Variants in CCSER1 observed in about 807,000 individuals in gnomAD.
CCSER1 encodes the protein coiled-coil serine rich protein 1, also known as serine-rich coiled-coil domain-containing protein 1.
CCSER1 carries 41 observed loss-of-function variants against 82.0 expected under a neutral mutation model. That is an observed-to-expected ratio of 0.50 (90% confidence interval 0.39 to 0.65). The LOEUF is 0.65. CCSER1 is among the 30% of genes least tolerant of loss of function. The pLI is 0.00. For synonymous variants in CCSER1, 414 were observed against 383.9 expected (o/e 1.08, Z -0.92); for missense variants, 1,119 against 1,064.2 (o/e 1.05, Z -0.72).
chr4:91,512,215 G>C (rs779705801), intron 10 of CCSER1, among the ~76,000 whole-genome samples: 2 of 152,086 alleles, frequency 1.3e-5, no homozygotes, highest in Non-Finnish European at 2.9e-5. Flanking sequence ...TTGAATCAGC[G>C]CACTGGGAGA....
chr4:90,238,953 C>T (rs539562768), intron 1 of CCSER1, among the ~76,000 whole-genome samples: 32 of 151,918 alleles, frequency 2.1e-4, no homozygotes, highest in African/African-American at 7.7e-4. Context: ...CAGGTTCAAG[C>T]GATTCTCCTT....
chr4:91,155,596 A>G (rs1430360608), intron 10 of CCSER1, among the ~76,000 whole-genome samples: 1 of 152,006 alleles, frequency 6.6e-6, no homozygotes, highest in Non-Finnish European at 1.5e-5. Flanking sequence ...TATCATTTTC[A>G]TCTAATGATT....
chr4:90,841,625 T>G (rs1012093661), intron 8 of CCSER1, among the ~76,000 whole-genome samples: 1 of 151,952 alleles, frequency 6.6e-6, no homozygotes, highest in Non-Finnish European at 1.5e-5. Context: ...TTTTGCATGT[T>G]TTCCCTGACA....
chr4:91,042,955 A>C (rs1453786682), intron 9 of CCSER1, among the ~76,000 whole-genome samples: 1 of 152,200 alleles, frequency 6.6e-6, no homozygotes. Context: ...ATCAGAAAGC[A>C]AAATAATCTT....
chr4:91,103,430 A>G (rs1465656114), intron 10 of CCSER1, among the ~76,000 whole-genome samples: 4 of 152,132 alleles, frequency 2.6e-5, no homozygotes, highest in African/African-American at 9.7e-5. Context: ...AAAAAAATGC[A>G]TTTCTAATTT....
At chr4:91,032,737 A>G (rs1372955524) in intron 9 of CCSER1, among the ~76,000 whole-genome samples, 3 of 152,228 alleles carry the variant, frequency 2.0e-5, no homozygotes, top group African/African-American at 7.2e-5. Context: ...GTAGTTTCTA[A>G]GACTTTAATA....
intron 1 of CCSER1, among the ~76,000 whole-genome samples, chr4:90,172,679 C>T (rs1224712082): frequency 2.0e-5 from 3 of 151,810 alleles, no homozygotes; most frequent in African/African-American, 7.2e-5. Flanking sequence ...TTCAGGTATT[C>T]TAGCTCTAGA....
At chr4:90,411,267 C>T (rs1179519976) in intron 4 of CCSER1, among the ~76,000 whole-genome samples, 6 of 152,136 alleles carry the variant, frequency 3.9e-5, no homozygotes, top group Non-Finnish European at 8.8e-5. Flanking sequence ...CTCCCTAACT[C>T]ATTTTATGAG....
At chr4:91,054,401 C>A (rs1001167506) in intron 9 of CCSER1, among the ~76,000 whole-genome samples, 1 of 152,106 alleles carries the variant, frequency 6.6e-6, no homozygotes, top group African/African-American at 2.4e-5. Flanking sequence ...TAGATGGAAT[C>A]TTTTATTTAT....
chr4:90,894,300 C>G (rs949993680), intron 8 of CCSER1, among the ~76,000 whole-genome samples: 1 of 151,886 alleles, frequency 6.6e-6, no homozygotes, highest in Non-Finnish European at 1.5e-5. Flanking sequence ...ATGGCTCAAA[C>G]CACCCTATCA....
At chr4:90,829,867 T>A (rs2149816687) in intron 8 of CCSER1, among the ~76,000 whole-genome samples, 1 of 152,316 alleles carries the variant, frequency 6.6e-6, no homozygotes, top group Admixed American at 6.5e-5. Flanking sequence ...ATTGAGCACA[T>A]TCAGTGTGTT....
chr4:91,176,947 G>A (rs1473894926), intron 10 of CCSER1, among the ~76,000 whole-genome samples: 1 of 152,114 alleles, frequency 6.6e-6, no homozygotes, highest in Non-Finnish European at 1.5e-5. Context: ...TATGATATTG[G>A]CTGTGGGTTT....
intron 4 of CCSER1, among the ~76,000 whole-genome samples, chr4:90,449,502 C>T (rs1368076123): frequency 1.3e-5 from 2 of 152,334 alleles, no homozygotes; most frequent in South Asian, 2.1e-4. Context: ...ACCTGCCATT[C>T]ATGACGCTCA....
intron 10 of CCSER1, among the ~76,000 whole-genome samples, chr4:91,127,973 A>G (rs937055782): frequency 2.0e-5 from 3 of 151,884 alleles, no homozygotes; most frequent in African/African-American, 4.8e-5. Flanking sequence ...AGTCCTTTTC[A>G]AAAGTCCCCT....
At chr4:90,883,111 C>T (rs746677804) in intron 8 of CCSER1, among the ~76,000 whole-genome samples, 1 of 151,878 alleles carries the variant, frequency 6.6e-6, no homozygotes, top group Non-Finnish European at 1.5e-5. Flanking sequence ...AATTTAAACC[C>T]CTCCAGTATG....
intron 10 of CCSER1, among the ~76,000 whole-genome samples, chr4:91,167,830 CAAAT>C (rs1732259691): frequency 6.6e-6 from 1 of 152,244 alleles, no homozygotes; most frequent in Non-Finnish European, 1.5e-5. Flanking sequence ...TATAACCTAA[CAAAT>C]AAATAATACG....
intron 10 of CCSER1, among the ~76,000 whole-genome samples, chr4:91,481,499 G>A (rs992428694): frequency 1.8e-4 from 27 of 152,076 alleles, no homozygotes; most frequent in African/African-American, 6.0e-4. Flanking sequence ...CCCCTTAAAG[G>A]CCCTATCTCC....
At chr4:91,438,942 AAAG>A (rs1254010848) in intron 10 of CCSER1, among the ~76,000 whole-genome samples, 1 of 152,204 alleles carries the variant, frequency 6.6e-6, no homozygotes, top group Non-Finnish European at 1.5e-5. Flanking sequence ...AAAAGAATAA[AAAG>A]AAATGAACAA....
intron 4 of CCSER1, among the ~76,000 whole-genome samples, chr4:90,442,877 G>A (rs1760102729): frequency 6.6e-6 from 1 of 152,108 alleles, no homozygotes; most frequent in Non-Finnish European, 1.5e-5. Context: ...CCTTGGTCTA[G>A]TTAAGTGGTA....
Sources: gnomAD v4.1 joint callset for allele counts (sites outside exome capture counted in the v4.1 genomes callset) on GRCh38, gnomAD v4.1.1 for gene constraint, MANE v1.5 for transcripts, NCBI Gene and HGNC (gene_info 2026-07-23, HGNC 2026-07-21) for gene names.